The following SIPA1L1 variants were observed in gnomAD, a reference collection of about 807,000 sequenced individuals.
SIPA1L1 encodes the protein signal-induced proliferation-associated 1-like protein 1.
SIPA1L1 carries 26 observed loss-of-function variants against 162.7 expected under a neutral mutation model. The ratio of observed to expected loss-of-function variants is 0.16; its 90% CI spans 0.12 to 0.22. SIPA1L1 has a LOEUF of 0.22. Among genes scored for constraint, SIPA1L1 ranks in the 10% least tolerant of loss-of-function variants. SIPA1L1 has a pLI of 1.00. For synonymous variants in SIPA1L1, 829 were observed against 837.4 expected, an observed-to-expected ratio of 0.99 and a Z score of 0.17; for missense variants, 1,874 against 2,241.0, an observed-to-expected ratio of 0.84 and a Z score of 3.31.
chr14:71,577,795 G>A (rs909060089), intron 4 of SIPA1L1, among the ~76,000 whole-genome samples: 3 of 132,874 alleles, frequency 2.3e-5, no homozygotes, highest in Non-Finnish European at 3.1e-5. Flanking sequence ...GCAGTGGTCC[G>A]ATGGCAGCTA....
intron 4 of SIPA1L1, among the ~76,000 whole-genome samples, chr14:71,542,632 C>A (rs1299296258): frequency 9.1e-6 from 1 of 110,248 alleles, no homozygotes; most frequent in Non-Finnish European, 1.9e-5. Flanking sequence ...TCCTCCCCTT[C>A]TTCTTCCACT....
At chr14:71,643,488 A>G (rs578047151) in intron 7 of SIPA1L1, among the ~76,000 whole-genome samples, 1 of 152,252 alleles carries the variant, frequency 6.6e-6, no homozygotes, top group South Asian at 2.1e-4. Flanking sequence ...ATTTTTAAAT[A>G]AAATGATTAC....
At chr14:71,642,345 C>T (rs2041798872) in intron 7 of SIPA1L1, among the ~76,000 whole-genome samples, 1 of 152,122 alleles carries the variant, frequency 6.6e-6, no homozygotes, top group Non-Finnish European at 1.5e-5. Flanking sequence ...CTAGAATTCG[C>T]AGAGCACAGA....
In SIPA1L1 at chr14:71,343,624, G is replaced by A. The variant is rs2035872932; in HGVS notation, c.-465+22443G>A. ...CACTGTTACTACTTTCATGTTTCTT[G>A]TCTTTAAAAAATGGCTTCTAAAAAC... On this transcript the variant is annotated intron_variant, in intron 2 of 23. Transcript: ENST00000381232. 1.3e-5 allele frequency among the ~76,000 whole-genome samples: 2 copies of A among 151,948 alleles called. 1 individual carries two copies. The highest frequency in any genetic ancestry group is 4.8e-5 in the African/African-American group (2 of 41,380).
intron 7 of SIPA1L1, among the ~76,000 whole-genome samples, chr14:71,628,786 AT>A (rs1348360235): frequency 1.3e-5 from 2 of 152,152 alleles, no homozygotes; most frequent in Admixed American, 6.5e-5. Flanking sequence ...GGGGAAGAAG[AT>A]TTCATCAGGC....
chr14:71,342,776 C>T (rs1243899018), intron 2 of SIPA1L1, among the ~76,000 whole-genome samples: 1 of 152,124 alleles, frequency 6.6e-6, no homozygotes, highest in South Asian at 2.1e-4. Flanking sequence ...ATTTCTCTTT[C>T]ATGTTTATAA....
At chr14:71,369,841 G>A (rs2038711679) in intron 2 of SIPA1L1, among the ~76,000 whole-genome samples, 1 of 148,782 alleles carries the variant, frequency 6.7e-6, no homozygotes, top group African/African-American at 2.5e-5. Flanking sequence ...ATTTCATTGA[G>A]CAGTGGTTTG....
intron 2 of SIPA1L1, among the ~76,000 whole-genome samples, chr14:71,476,493 A>G (rs898816117): frequency 6.6e-6 from 1 of 152,100 alleles, no homozygotes; most frequent in African/African-American, 2.4e-5. Context: ...TTAATACTAC[A>G]TTGTTCCATT....
At chr14:71,725,118 C>T (rs897807426) in intron 19 of SIPA1L1, among the ~76,000 whole-genome samples, 2 of 152,322 alleles carry the variant, frequency 1.3e-5, no homozygotes, top group East Asian at 3.9e-4. Flanking sequence ...ATTCCCTGAA[C>T]ATCACTTAGG....
At chr14:71,608,525 TTA>T (rs2037795163) in intron 5 of SIPA1L1, among the ~76,000 whole-genome samples, 2 of 152,164 alleles carry the variant, frequency 1.3e-5, no homozygotes, top group South Asian at 4.1e-4. Flanking sequence ...AAAAGTTGCA[TTA>T]ATATGCAACT....
intron 2 of SIPA1L1, among the ~76,000 whole-genome samples, chr14:71,322,858 C>T (rs911253133): frequency 2.0e-5 from 3 of 152,208 alleles, no homozygotes; most frequent in Admixed American, 2.0e-4. Context: ...TTGTTAGCTT[C>T]TCTGCAGTTC....
At chr14:71,417,072 C>G (rs1377761534) in intron 2 of SIPA1L1, among the ~76,000 whole-genome samples, 1 of 151,970 alleles carries the variant, frequency 6.6e-6, no homozygotes, top group African/African-American at 2.4e-5. Context: ...TTCGACTCCT[C>G]CAGAACTTAA....
intron 14 of SIPA1L1, among the ~76,000 whole-genome samples, chr14:71,700,201 A>AGTTCAGAGGTTTAAAAG (rs1344321471): frequency 1.7e-4 from 26 of 152,238 alleles, no homozygotes; most frequent in African/African-American, 5.3e-4. Context: ...TCCAGCTTTA[A>AGTTCAGAGGTTTAAAAG]GTTCAGAGGT....
At chr14:71,597,313 T>C (rs972452329) in intron 5 of SIPA1L1, among the ~76,000 whole-genome samples, 5 of 152,112 alleles carry the variant, frequency 3.3e-5, no homozygotes, top group African/African-American at 1.2e-4. Context: ...TTTTTTCTTA[T>C]ATAACCTCCC....
chr14:71,606,188 A>G (rs1171374145), intron 5 of SIPA1L1, among the ~76,000 whole-genome samples: 1 of 152,154 alleles, frequency 6.6e-6, no homozygotes, highest in African/African-American at 2.4e-5. Flanking sequence ...CAGCAGCCAC[A>G]TGCAGACGGG....
intron 4 of SIPA1L1, among the ~76,000 whole-genome samples, chr14:71,544,769 C>T (rs537558201): frequency 6.6e-6 from 1 of 152,128 alleles, no homozygotes; most frequent in East Asian, 1.9e-4. Context: ...CGACTATATA[C>T]GTGTGAGTCT....
Position 71,558,694 on chromosome 14 carries a change from G to A in SIPA1L1, c.-302-28877G>A, listed in dbSNP as rs117560766. Among the ~76,000 whole-genome samples, 26 of 152,092 alleles carry A rather than the reference G, an allele frequency of 1.7e-4. 2 individuals carry two copies. In the East Asian group the frequency reaches 5.0e-3, roughly 29 times the overall value. On this transcript the variant is annotated intron_variant, in intron 4 of 23. Coordinates refer to ENST00000381232, the MANE Select transcript of SIPA1L1 (RefSeq NM_001386936.1). ...TAATTTCCTGAAGCATTTTGTTTTT[G>A]TTTTTTTAGAGACAGGATTTGCTCT...
chr14:71,539,149 G>A (rs2054157232), intron 4 of SIPA1L1, among the ~76,000 whole-genome samples: 1 of 152,154 alleles, frequency 6.6e-6, no homozygotes. Flanking sequence ...GACAGTCAGT[G>A]CACACTCCAT....
At chr14:71,445,777 A>G (rs997997802) in intron 2 of SIPA1L1, among the ~76,000 whole-genome samples, 1 of 152,220 alleles carries the variant, frequency 6.6e-6, no homozygotes, top group African/African-American at 2.4e-5. Context: ...TACCAAAGTA[A>G]GTAATTTAGA....
Sources: allele counts gnomAD v4.1 joint callset (sites outside exome capture counted in the v4.1 genomes callset), GRCh38; gene constraint gnomAD v4.1.1; transcripts MANE v1.5; gene names NCBI Gene and HGNC (gene_info 2026-07-23, HGNC 2026-07-21).